Variants in PRKDC observed in about 807,000 individuals in gnomAD.
PRKDC encodes protein kinase, DNA-activated, catalytic subunit, also known as DNA-dependent protein kinase catalytic subunit.
PRKDC carries 82 observed loss-of-function variants against 486.9 expected under a neutral mutation model. The ratio of observed to expected loss-of-function variants is 0.17; its 90% confidence interval spans 0.14 to 0.20. The LOEUF is 0.20. Ranked by LOEUF, PRKDC falls within the 10% of genes least tolerant of loss-of-function variation. The pLI, the probability that PRKDC is intolerant of heterozygous loss-of-function variation, is 1.00. For missense variants in PRKDC, 4,504 were observed against 5,038.2 expected (o/e 0.89, Z 3.21); for synonymous variants, 1,895 against 1,837.0 (o/e 1.03, Z -0.81).
At position 47,888,850 on chromosome 8, in the gene PRKDC, C is replaced by A. The variant is rs554864048; in HGVS notation, c.4280+164G>T. Among the ~76,000 whole-genome samples the A allele has an allele frequency of 3.9e-5, 6 of 152,318 alleles. No homozygotes were observed. The South Asian group carries it at 1.2e-3, about 32-fold the overall frequency. On this transcript the variant is annotated intron_variant, in intron 33 of 85. Transcript: ENST00000314191. Reference sequence around the variant, plus strand: ...GCTTAAGTTTGGTACAGGGAAGGCACTAGTTAAATGTGTTTTCTAAACAAC... The same window carrying A: ...GCTTAAGTTTGGTACAGGGAAGGCAATAGTTAAATGTGTTTTCTAAACAAC...
At chr8:47,864,500 G>A (rs2088758207) in intron 41 of PRKDC, 56 bp downstream of exon 41, 1 of 1,478,476 alleles carries the variant, frequency 6.8e-7, no homozygotes, top group South Asian at 1.3e-5. Flanking sequence ...CAGTGTCTAG[G>A]CACACCAGTC....
Position 47,790,584 on chromosome 8 carries a change from A to G in PRKDC, c.10671-1346T>C, listed in dbSNP as rs181539309. On this transcript the variant is annotated intron_variant, in intron 74 of 85. Transcript: ENST00000314191. Reference sequence around the variant, plus strand: ...CCTAAAATTTGTATGGAACCACAAAAGACCCAGAGCAAAAAGCCAAAGCCA... The same window carrying G: ...CCTAAAATTTGTATGGAACCACAAAGGACCCAGAGCAAAAAGCCAAAGCCA... Among the ~76,000 whole-genome samples the G allele has an allele frequency of 1.2e-3, 176 of 152,378 alleles. 7 individuals are homozygous for G. Among genetic ancestry groups the G allele is most frequent in the Admixed American group, 0.011 (167 of 15,300 alleles).
chr8:47,893,319 T>C lies in PRKDC; in HGVS notation c.3667A>G (p.Thr1223Ala). Residue 1223 changes from threonine to alanine, a missense_variant, in exon 31 of 86, where the codon ACC becomes GCC. By Grantham distance (58) the Thr-to-Ala change is moderately conservative (BLOSUM62 0). Coordinates refer to ENST00000314191, the MANE Select transcript of PRKDC (RefSeq NM_006904.7). The part of the protein sequence containing the change: ...KEEGVSFLIN[T>A]FEGGGCGQPS... The stretch of plus-strand genomic sequence containing the variant: ...TGGCCACAGCCACCCCCCTCAAAGG[T>C]GTTGATGAGAAAAGAGACACCTTCT... 1 of 1,594,450 alleles carries C rather than the reference T, an allele frequency of 6.3e-7. No homozygotes were observed. The highest frequency in any genetic ancestry group is 8.6e-7 in the Non-Finnish European group (1 of 1,165,978).
In PRKDC at chr8:47,840,116, G is replaced by C; in HGVS notation, c.7354C>G (p.Arg2452Gly). 1 of 1,594,300 alleles carries C rather than the reference G, an allele frequency of 6.3e-7. No homozygotes were observed. The stretch of plus-strand genomic sequence containing the variant: ...TCCACAACGGGGTTCAGAAGTTCTC[G>C]GAGTTCTACTGGTTTTAACTTTGGC... ...MMPKLKPVEL[R>G]ELLNPVVEFV... Residue 2452 changes from arginine (R) to glycine (G), a missense_variant, in exon 55 of 86, where the codon CGA (arginine) becomes GGA (glycine). Arg to Gly is a moderately radical substitution (Grantham distance 125). Coordinates refer to ENST00000314191, the MANE Select transcript of PRKDC (RefSeq NM_006904.7).
Position 47,836,430 on chromosome 8 carries a change from G to A in PRKDC, c.7859C>T (p.Thr2620Ile), listed in dbSNP as rs576969654. Residue 2620 changes from threonine to isoleucine, a missense_variant, in exon 58 of 86, where the codon ACC becomes ATC. This residue lies in a region of PRKDC where 1,592 missense variants were observed against 1,724.6 expected (regional missense o/e 0.92). Transcript: ENST00000314191. The part of the protein sequence containing the change: ...QASQGTLQTR[T>I]QEGSLSARWP... ...GCGAGCTGAGAGGGACCCTTCCTGG[G>A]TACGGGTCTGGAGAGTGCCCTGGGA... The A allele has an allele frequency of 6.4e-5, 104 of 1,613,144 alleles. 2 individuals carry two copies. The South Asian group carries it at 1.0e-3, about 16-fold the overall frequency.
Position 47,954,466 on chromosome 8 carries a change from T to A in PRKDC, c.400-20A>T. 3 of 1,022,546 alleles carry A rather than the reference T, an allele frequency of 2.9e-6. 1 individual carries two copies. Among genetic ancestry groups the A allele is most frequent in the South Asian group, 4.0e-5 (2 of 50,338 alleles). The allele number at this position is 1,022,546 out of a possible 1,614,324, so 63.3% of individuals were successfully genotyped here. A position where few individuals can be genotyped will look rare whatever the true frequency, so the allele number is the denominator to read the frequency against. On this transcript the variant is annotated intron_variant, in intron 4 of 85. Transcript: ENST00000314191. ...AAGTAACTAAAAGAATACAAATTAG[T>A]ACATCAATGTAGTGCGGGAATCAAG... is the stretch of plus-strand genomic sequence containing the variant.
chr8:47,780,724 G>A (rs943321032), intron 80 of PRKDC, among the ~76,000 whole-genome samples: 3 of 152,128 alleles, frequency 2.0e-5, no homozygotes, highest in African/African-American at 7.2e-5. Context: ...CGGATCACGA[G>A]GTCAAGAGAT....
chr8:47,935,797 A>G lies in PRKDC; in HGVS notation c.1382T>C (p.Ile461Thr), dbSNP rs749161011. The G allele has an allele frequency of 1.2e-6, 2 of 1,614,032 alleles. No individual in the cohort carries two copies. The highest frequency in any genetic ancestry group is 2.2e-5 in the South Asian group (2 of 91,084). Residue 461 changes from isoleucine to threonine, a missense_variant, in exon 13 of 86, where the codon ATA becomes ACA. Physicochemically the swap from Ile to Thr is moderately conservative, Grantham distance 89. Around this residue, in one of 6 missense-constraint regions of PRKDC, gnomAD observed 1,969 missense variants for 2,068.9 expected, o/e 0.95. Coordinates refer to ENST00000314191, the MANE Select transcript of PRKDC (RefSeq NM_006904.7). The part of the protein sequence containing the change: ...PKMQLVCCRA[I>T]VKVFLALAAK... ...TGCCAAAGCTAGGAACACCTTCACT[A>G]TGGCTCTGCAACACACCAGCTGCAT... is the stretch of plus-strand genomic sequence containing the variant.
intron 64 of PRKDC, among the ~76,000 whole-genome samples, chr8:47,823,012 G>A (rs1432834643): frequency 2.6e-5 from 4 of 152,050 alleles, no homozygotes; most frequent in Non-Finnish European, 5.9e-5. Flanking sequence ...GGGGCCTGGT[G>A]AGAGGTGTTT....
intron 55 of PRKDC, among the ~76,000 whole-genome samples, chr8:47,839,622 A>AT (rs2088098827): frequency 6.6e-6 from 1 of 152,152 alleles, no homozygotes; most frequent in Non-Finnish European, 1.5e-5. Context: ...TTTCACTCTG[A>AT]TTTTTTCACA....
In PRKDC at chr8:47,826,720, C is replaced by T; in HGVS notation, c.8719G>A (p.Ala2907Thr). The stretch of plus-strand genomic sequence containing the variant: ...CGGGCCTTCCCACGGACTCGCTTGG[C>T]AGGCAGCTCAGCAGGCAGCAGGCGG... ...LLRLLPAELPAKRVRGKARLP... is the reference protein window; with the variant it reads ...LLRLLPAELPTKRVRGKARLP... The change falls in exon 63 of 86, where the codon GCC (alanine) becomes ACC (threonine). Residue 2907 changes from alanine to threonine, a missense_variant. Physicochemically the swap from Ala to Thr is moderately conservative, Grantham distance 58. Transcript: ENST00000314191. The T allele has an allele frequency of 6.2e-7, 1 of 1,613,358 alleles. No homozygotes were observed. Among genetic ancestry groups the T allele is most frequent in the Middle Eastern group, 1.8e-4 (1 of 5,708 alleles).
chr8:47,873,391 T>A (rs2089006253), intron 40 of PRKDC, among the ~76,000 whole-genome samples: 1 of 151,454 alleles, frequency 6.6e-6, no homozygotes, highest in Non-Finnish European at 1.5e-5. Flanking sequence ...ACAAAAAAAA[T>A]GAGCTGGGCA....
chr8:47,798,815 C>CT (rs1168719883), intron 72 of PRKDC, among the ~76,000 whole-genome samples: 58 of 146,480 alleles, frequency 4.0e-4, no homozygotes, highest in East Asian at 4.0e-4. Context: ...TTGTCTCTCT[C>CT]TTTTTTTTTT....
At chr8:47,863,113 A>C (rs773490649) in intron 42 of PRKDC, among the ~76,000 whole-genome samples, 2 of 152,266 alleles carry the variant, frequency 1.3e-5, no homozygotes, top group Middle Eastern at 3.2e-3. Flanking sequence ...AAATCACAGC[A>C]CTAAAAATAT....
At chr8:47,915,259 T>C (rs2089967291) in intron 23 of PRKDC, 69 bp downstream of exon 23, 2 of 837,262 alleles carry the variant, frequency 2.4e-6, no homozygotes, top group East Asian at 5.7e-5. Flanking sequence ...GAATATATTA[T>C]GACCTGGATA....
In PRKDC at chr8:47,882,094, TCA is replaced by T; in HGVS notation, c.4778_4779del (p.Val1593GlufsTer37). ...MQSSVDNTKM[V>X]SAVLNGMLDQ... is the part of the protein sequence containing the mutation. Reference sequence around the variant, plus strand: ...TCTAACATGCCGTTCAAAACGGCACTCACCTGAGACAATTTCGTTGTGAGTGA... The same window carrying T: ...TCTAACATGCCGTTCAAAACGGCACTCCTGAGACAATTTCGTTGTGAGTGA... On this transcript the variant is annotated frameshift_variant and splice_region_variant, in exon 37 of 86. Coordinates refer to ENST00000314191, the MANE Select transcript of PRKDC (RefSeq NM_006904.7). LOFTEE classifies it high-confidence loss of function. 1 of 1,606,246 alleles carries T rather than the reference TCA, an allele frequency of 6.2e-7. No homozygotes were observed. Among genetic ancestry groups the T allele is most frequent in the Non-Finnish European group, 8.5e-7 (1 of 1,176,994 alleles).
chr8:47,951,780 C>G (rs140664819), intron 7 of PRKDC, among the ~76,000 whole-genome samples: 2 of 152,082 alleles, frequency 1.3e-5, no homozygotes, highest in African/African-American at 4.8e-5. Context: ...TCAAACAAAC[C>G]AATTAACCTA....
intron 13 of PRKDC, 67 bp from the exon 14 acceptor site, chr8:47,935,125 A>C: frequency 8.9e-7 from 1 of 1,126,044 alleles, no homozygotes. Flanking sequence ...CTCACAAAAA[A>C]AAACAAACAG....
chr8:47,947,423 T>C (rs894171749), intron 7 of PRKDC, among the ~76,000 whole-genome samples: 1 of 152,252 alleles, frequency 6.6e-6, no homozygotes, highest in Non-Finnish European at 1.5e-5. Context: ...TGGTAGGAAC[T>C]TGGTGATTTC....
Sources: gnomAD v4.1 joint callset for allele counts (sites outside exome capture counted in the v4.1 genomes callset) on GRCh38, gnomAD v4.1.1 for gene constraint, gnomAD v4.1.1 regional missense constraint, MANE v1.5 for transcripts, NCBI Gene and HGNC (gene_info 2026-07-23, HGNC 2026-07-21) for gene names.